Variants in NEBL observed in about 807,000 individuals in gnomAD.
The protein encoded by NEBL is LIM and SH3 protein 2.
A neutral mutation model predicts 140.2 loss-of-function variants in NEBL; 122 were observed. The ratio of observed to expected loss-of-function variants is 0.87; its 90% CI spans 0.75 to 1.01. The LOEUF (loss-of-function observed/expected upper bound fraction) is 1.01. Among genes scored for constraint, NEBL ranks in the 50% least tolerant of loss-of-function variants. The pLI is 0.00. For synonymous variants in NEBL, 436 were observed against 398.9 expected, an observed-to-expected ratio of 1.09 and a Z score of -1.11; for missense variants, 1,365 against 1,231.3, an observed-to-expected ratio of 1.11 and a Z score of -1.62.
intron 2 of NEBL, among the ~76,000 whole-genome samples, chr10:21,094,181 A>G (rs1055718664): frequency 1.8e-4 from 27 of 151,996 alleles, no homozygotes; most frequent in Admixed American, 2.6e-4. Context: ...ACATGGCAAA[A>G]CCCCATCTCT....
At chr10:21,222,560 C>T (rs1842085508) in intron 3 of NEBL, among the ~76,000 whole-genome samples, 1 of 152,092 alleles carries the variant, frequency 6.6e-6, no homozygotes, top group Admixed American at 6.6e-5. Context: ...CTAACCCTGC[C>T]AAGTCACTAC....
At chr10:21,061,342 A>G (rs1464767420) in intron 2 of NEBL, among the ~76,000 whole-genome samples, 1 of 149,024 alleles carries the variant, frequency 6.7e-6, no homozygotes, top group Non-Finnish European at 1.5e-5. Context: ...TGTGATATGT[A>G]ATATGTTACA....
At chr10:21,172,823 G>T (rs949592691) in intron 1 of NEBL, among the ~76,000 whole-genome samples, 3 of 152,122 alleles carry the variant, frequency 2.0e-5, no homozygotes, top group Admixed American at 6.6e-5. Flanking sequence ...AAACCAAAAG[G>T]AATCCAGTTC....
At position 20,828,414 on chromosome 10, in the gene NEBL, A is replaced by G; in HGVS notation, c.1776+116T>C. On this transcript the variant is annotated intron_variant, in intron 17 of 27. Transcript: ENST00000377122. ...TATTTTAAAGAAATAAAGATAATAC[A>G]CTTGACAGAAAATTCAACTAAGACA... is the stretch of plus-strand genomic sequence containing the variant. 6 of 701,038 alleles carry G rather than the reference A, an allele frequency of 8.6e-6. No homozygotes were observed. The South Asian group carries it at 9.5e-5, about 11-fold the overall frequency. The allele number at this position is 701,038 out of a possible 1,614,324, so 43.4% of individuals were successfully genotyped here.
At chr10:21,150,272 C>T (rs1751913) in intron 2 of NEBL, among the ~76,000 whole-genome samples, 39,943 of 152,156 alleles carry the variant, frequency 0.26, 6,169 homozygotes, top group African/African-American at 0.42. Context: ...TTATATCGAA[C>T]GGTTGGAAGC....
chr10:21,163,293 G>C (rs979316347), intron 2 of NEBL, among the ~76,000 whole-genome samples: 1 of 152,184 alleles, frequency 6.6e-6, no homozygotes, highest in Non-Finnish European at 1.5e-5. Context: ...GAAAATAACT[G>C]TGGTGGCAGG....
chr10:20,918,407 A>G (rs1183586812), intron 4 of NEBL, among the ~76,000 whole-genome samples: 1 of 152,116 alleles, frequency 6.6e-6, no homozygotes, highest in African/African-American at 2.4e-5. Flanking sequence ...GAGTTTGGGA[A>G]AGTTATTTAA....
intron 1 of NEBL, among the ~76,000 whole-genome samples, chr10:21,284,219 A>AC (rs1436199364): frequency 1.5e-5 from 2 of 130,098 alleles, no homozygotes; most frequent in Non-Finnish European, 3.2e-5. Flanking sequence ...CCAAAAAAAA[A>AC]AAAAAAAAAA....
At chr10:20,933,044 G>A (rs1050562575) in intron 4 of NEBL, among the ~76,000 whole-genome samples, 2 of 151,906 alleles carry the variant, frequency 1.3e-5, no homozygotes, top group Admixed American at 6.6e-5. Context: ...TTCAGAAAAT[G>A]CATGCACAAG....
In NEBL at chr10:21,267,624, G is replaced by A. The variant is rs1588581352; in HGVS notation, n.183-15796C>T. Among the ~76,000 whole-genome samples the A allele has an allele frequency of 5.9e-5, 9 of 152,298 alleles. 1 individual carries two copies. Among genetic ancestry groups the A allele is most frequent in the African/African-American group, 2.2e-4 (9 of 41,564 alleles). ...TCTGGTTGAATTTGGGAGTGATTGT[G>A]TGTGTACATGTTCCCGACAGTGTGG... On this transcript the variant is annotated intron_variant and non_coding_transcript_variant, in intron 1 of 8. Transcript: ENST00000675702.
intron 2 of NEBL, among the ~76,000 whole-genome samples, chr10:21,147,323 C>T (rs1278114121): frequency 6.6e-6 from 1 of 152,000 alleles, no homozygotes; most frequent in Non-Finnish European, 1.5e-5. Flanking sequence ...AGAAGGGGTC[C>T]TCATCAGCAG....
chr10:21,076,807 G>A (rs1836117034), intron 2 of NEBL, among the ~76,000 whole-genome samples: 1 of 152,120 alleles, frequency 6.6e-6, no homozygotes, highest in African/African-American at 2.4e-5. Flanking sequence ...CCCTAGAGTA[G>A]TCAAATTCAT....
At chr10:21,235,613 C>A (rs1016937776) in intron 3 of NEBL, among the ~76,000 whole-genome samples, 2 of 152,192 alleles carry the variant, frequency 1.3e-5, no homozygotes, top group African/African-American at 4.8e-5. Context: ...CTGCGCCAGG[C>A]CCATAAGCAT....
At chr10:21,041,254 T>A (rs1407825860) in intron 2 of NEBL, among the ~76,000 whole-genome samples, 1 of 152,220 alleles carries the variant, frequency 6.6e-6, no homozygotes, top group African/African-American at 2.4e-5. Context: ...CCCTTCCTTG[T>A]GTCCATGTGT....
intron 2 of NEBL, among the ~76,000 whole-genome samples, chr10:21,033,384 C>T (rs1211996652): frequency 6.6e-6 from 1 of 151,898 alleles, no homozygotes; most frequent in Admixed American, 6.6e-5. Flanking sequence ...TTATTTAAAG[C>T]CTAAAGATGG....
Position 20,807,223 on chromosome 10 carries a change from G to A in NEBL, c.2761+1287C>T, listed in dbSNP as rs559833814. Among the ~76,000 whole-genome samples the A allele has an allele frequency of 7.9e-4, 120 of 152,256 alleles. 2 individuals carry two copies. In the South Asian group the frequency reaches 0.015, roughly 19 times the overall value. On this transcript the variant is annotated intron_variant, in intron 26 of 27. Coordinates refer to ENST00000377122, the MANE Select transcript of NEBL (RefSeq NM_006393.3). ...CACCTGTAGACCCACCTACTCAGGCGGCTGAGGCACAAGAATCACTTGAAC... is the reference window on the plus strand; with the variant it reads ...CACCTGTAGACCCACCTACTCAGGCAGCTGAGGCACAAGAATCACTTGAAC...
intron 4 of NEBL, among the ~76,000 whole-genome samples, chr10:20,946,693 C>A (rs919791385): frequency 6.6e-6 from 1 of 152,082 alleles, no homozygotes; most frequent in East Asian, 1.9e-4. Context: ...TCAAACACCG[C>A]GCCAGTCCCG....
At chr10:21,096,783 C>T (rs967831670) in intron 2 of NEBL, among the ~76,000 whole-genome samples, 1 of 152,160 alleles carries the variant, frequency 6.6e-6, no homozygotes, top group African/African-American at 2.4e-5. Flanking sequence ...GACAGGATTA[C>T]AGGTATGAGC....
At chr10:20,923,432 A>G (rs1178693351) in intron 4 of NEBL, among the ~76,000 whole-genome samples, 2 of 151,844 alleles carry the variant, frequency 1.3e-5, no homozygotes, top group African/African-American at 4.8e-5. Context: ...TAATCCCAGC[A>G]CTTTGGGAGG....
Sources: allele counts gnomAD v4.1 joint callset (sites outside exome capture counted in the v4.1 genomes callset), GRCh38; gene constraint gnomAD v4.1.1; transcripts MANE v1.5; gene names NCBI Gene and HGNC (gene_info 2026-07-23, HGNC 2026-07-21).